PIK3R4: variants seen among roughly 807,000 people sequenced by gnomAD.
PIK3R4 encodes phosphoinositide-3-kinase regulatory subunit 4.
Under a neutral mutation model 136.5 loss-of-function variants are expected in PIK3R4, and 46 were observed. The observed-to-expected ratio is 0.34, with a 90% confidence interval of 0.27 to 0.43. The LOEUF (loss-of-function observed/expected upper bound fraction) is 0.43. PIK3R4 is among the 20% of genes least tolerant of loss of function. The pLI, the probability that PIK3R4 is intolerant of heterozygous loss-of-function variation, is 1.00. For missense variants in PIK3R4, 1,331 were observed against 1,649.5 expected, an observed-to-expected ratio of 0.81 and a Z score of 3.35; for synonymous variants, 557 against 566.7, an observed-to-expected ratio of 0.98 and a Z score of 0.24.
intron 12 of PIK3R4, among the ~76,000 whole-genome samples, chr3:130,704,787 T>C (rs183591090): frequency 3.9e-4 from 60 of 152,158 alleles, no homozygotes; most frequent in Admixed American, 1.8e-3. Flanking sequence ...CGTTAAGGCG[T>C]AGGGTTAGAG....
chr3:130,726,544 C>T (rs753844167), intron 6 of PIK3R4, among the ~76,000 whole-genome samples: 4 of 151,842 alleles, frequency 2.6e-5, no homozygotes, highest in Admixed American at 2.6e-4. Context: ...CTGCTCTTAA[C>T]GATCAGCATA....
chr3:130,742,689 A>G (rs972502187), intron 2 of PIK3R4, among the ~76,000 whole-genome samples: 2 of 152,226 alleles, frequency 1.3e-5, no homozygotes, highest in East Asian at 1.9e-4. Context: ...TCATCAATTA[A>G]TTTTCCTAAA....
intron 14 of PIK3R4, 44 bp downstream of exon 14, chr3:130,690,446 A>C: frequency 1.4e-3 from 1,621 of 1,164,764 alleles, no homozygotes; most frequent in Non-Finnish European, 1.9e-3. Context: ...AAGGTACTGT[A>C]GTGCACTAAA....
At chr3:130,737,377 A>T (rs1469987274) in intron 2 of PIK3R4, among the ~76,000 whole-genome samples, 1 of 152,220 alleles carries the variant, frequency 6.6e-6, no homozygotes, top group Non-Finnish European at 1.5e-5. Context: ...GAAAAGTTAA[A>T]AATATTGAAC....
At chr3:130,738,957 T>C (rs2066802842) in intron 2 of PIK3R4, among the ~76,000 whole-genome samples, 1 of 152,208 alleles carries the variant, frequency 6.6e-6, no homozygotes, top group African/African-American at 2.4e-5. Context: ...GAAAAATCAT[T>C]TTTGCAACCA....
intron 9 of PIK3R4, among the ~76,000 whole-genome samples, 171 bp from the exon 10 acceptor site, chr3:130,708,663 A>C (rs745576927): frequency 6.6e-6 from 1 of 152,164 alleles, no homozygotes; most frequent in Non-Finnish European, 1.5e-5. Flanking sequence ...ACAGAATGAC[A>C]TGTCACGACT....
chr3:130,741,966 C>T (rs750464234), intron 2 of PIK3R4, among the ~76,000 whole-genome samples: 1 of 152,142 alleles, frequency 6.6e-6, no homozygotes, highest in Non-Finnish European at 1.5e-5. Flanking sequence ...CAACAACGTA[C>T]AACAAAACCA....
rs2066714527 is a variant in PIK3R4, at chr3:130,723,466, G to A, written c.1929C>T (p.Cys643=). Residue 643 remains cysteine, a synonymous_variant, in exon 7 of 20, where the codon TGC becomes TGT. Coordinates refer to ENST00000356763, the MANE Select transcript of PIK3R4 (RefSeq NM_014602.3). ...VKALYALTCM[C]QLGLLQKPHV... is the part of the protein sequence containing the mutation. ...GGGGTTTTTGTAGCAGTCCTAACTG[G>A]CACATACAAGTAAGGGCATAAAGAG... 7 of 1,613,148 alleles carry A rather than the reference G, an allele frequency of 4.3e-6. No homozygotes were observed. Among genetic ancestry groups the A allele is most frequent in the Non-Finnish European group, 5.1e-6 (6 of 1,179,546 alleles).
chr3:130,709,329 C>T (rs2066622240), intron 9 of PIK3R4, among the ~76,000 whole-genome samples: 1 of 152,096 alleles, frequency 6.6e-6, no homozygotes, highest in Non-Finnish European at 1.5e-5. Context: ...TCCTCTAGTA[C>T]ATTTTCATCA....
intron 14 of PIK3R4, among the ~76,000 whole-genome samples, chr3:130,687,728 G>A (rs2066497309): frequency 6.6e-6 from 1 of 151,938 alleles, no homozygotes. Flanking sequence ...TTATTTTGTT[G>A]CCCAAGTTGT....
intron 7 of PIK3R4, among the ~76,000 whole-genome samples, chr3:130,722,805 C>A (rs1044058789): frequency 6.6e-6 from 1 of 151,032 alleles, no homozygotes. Flanking sequence ...GCCTGTAATC[C>A]CAGCACTTCG....
At chr3:130,699,821 A>G (rs6785335) in intron 13 of PIK3R4, among the ~76,000 whole-genome samples, 31,277 of 152,026 alleles carry the variant, frequency 0.21, 3,482 homozygotes, top group South Asian at 0.36. Context: ...ATTTTTTGCT[A>G]TTATAAAGAA....
At chr3:130,730,257 T>A in intron 5 of PIK3R4, 51 bp downstream of exon 5, 1 of 1,427,470 alleles carries the variant, frequency 7.0e-7, no homozygotes, top group South Asian at 1.2e-5. Context: ...CAAGTTAGCA[T>A]CAGCAATTCA....
chr3:130,732,793 T>TAAA (rs199688149), intron 4 of PIK3R4, among the ~76,000 whole-genome samples: 2 of 142,058 alleles, frequency 1.4e-5, no homozygotes, highest in African/African-American at 5.2e-5. Context: ...TACATTTCTT[T>TAAA]AAAAAAAAAA....
intron 9 of PIK3R4, among the ~76,000 whole-genome samples, chr3:130,711,318 T>C (rs370918854): frequency 1.3e-5 from 2 of 152,156 alleles, no homozygotes; most frequent in Admixed American, 6.5e-5. Context: ...CTGAGTCCTA[T>C]GACTGTCCCA....
In PIK3R4 at chr3:130,680,727, A is replaced by C; in HGVS notation, c.3798-6T>G. 6.5e-7 allele frequency: 1 copy of C among 1,549,996 alleles called. No homozygotes were observed. The highest frequency in any genetic ancestry group is 8.9e-7 in the Non-Finnish European group (1 of 1,124,550). ...GGTAAGCCAAGTCCCAAAACCTAGG[A>C]AAGAGGAAATAAATGATGACAATCT... On this transcript the variant is annotated splice_region_variant and splice_polypyrimidine_tract_variant and intron_variant, in intron 18 of 19. Transcript: ENST00000356763.
Position 130,733,857 on chromosome 3 carries a change from C to T in PIK3R4, c.1141G>A (p.Val381Ile), listed in dbSNP as rs770292226. 1 of 1,614,164 alleles carries T rather than the reference C, an allele frequency of 6.2e-7. No homozygotes were observed. Residue 381 changes from valine to isoleucine, a missense_variant, in exon 4 of 20, where the codon GTT becomes ATT. Val to Ile is a conservative substitution (Grantham distance 29). Coordinates refer to ENST00000356763, the MANE Select transcript of PIK3R4 (RefSeq NM_014602.3). ...KENGLVILVSVITSCLQTLKY... is the reference protein window; with the variant it reads ...KENGLVILVSIITSCLQTLKY... ...AGGGTCTGTAGGCAGGATGTTATAA[C>T]AGATACCAAGATAACCAGCCCATTT...
chr3:130,679,617 G>A (rs534028323), intron 19 of PIK3R4, 132 bp from the exon 20 acceptor site: 76 of 590,252 alleles, frequency 1.3e-4, no homozygotes, highest in African/African-American at 6.3e-4. Flanking sequence ...ATGCTTTCAC[G>A]AATACATTGA....
At chr3:130,715,264 C>T (rs2066657553) in intron 9 of PIK3R4, among the ~76,000 whole-genome samples, 1 of 151,870 alleles carries the variant, frequency 6.6e-6, no homozygotes, top group Non-Finnish European at 1.5e-5. Context: ...GCTGGGATTA[C>T]AGGCACACAA....
Sources: allele counts gnomAD v4.1 joint callset (sites outside exome capture counted in the v4.1 genomes callset), GRCh38; gene constraint gnomAD v4.1.1; transcripts MANE v1.5; gene names NCBI Gene and HGNC (gene_info 2026-07-23, HGNC 2026-07-21).